GNAQ: variants seen among roughly 807,000 people sequenced by gnomAD.
GNAQ encodes the protein guanine nucleotide-binding protein G(q) subunit alpha.
GNAQ carries 8 observed loss-of-function variants against 43.9 expected under a neutral mutation model. The observed-to-expected ratio is 0.18, with a 90% confidence interval of 0.11 to 0.33. The LOEUF (loss-of-function observed/expected upper bound fraction) is 0.33. GNAQ is among the 10% of genes least tolerant of loss of function. GNAQ has a pLI of 1.00. For synonymous variants in GNAQ, 155 were observed against 170.7 expected, an observed-to-expected ratio of 0.91 and a Z score of 0.71; for missense variants, 158 against 450.8, an observed-to-expected ratio of 0.35 and a Z score of 5.88.
chr9:77,893,223 T>G (rs1394152206), intron 2 of GNAQ, among the ~76,000 whole-genome samples: 1 of 152,156 alleles, frequency 6.6e-6, no homozygotes, highest in African/African-American at 2.4e-5. Flanking sequence ...ATAAAGACCT[T>G]GCTGATAAAG....
intron 5 of GNAQ, among the ~76,000 whole-genome samples, chr9:77,772,959 A>C (rs537798207): frequency 3.3e-5 from 5 of 152,254 alleles, no homozygotes; most frequent in Non-Finnish European, 5.9e-5. Context: ...CTCATGTTTT[A>C]AGAAAGTTTA....
chr9:77,983,704 G>C (rs562965453), intron 1 of GNAQ, among the ~76,000 whole-genome samples: 2 of 152,220 alleles, frequency 1.3e-5, no homozygotes, highest in Admixed American at 6.5e-5. Flanking sequence ...ACACAGAAAA[G>C]TATCTATGCA....
chr9:77,792,207 A>G (rs1016711221), intron 5 of GNAQ, among the ~76,000 whole-genome samples: 3 of 152,202 alleles, frequency 2.0e-5, no homozygotes, highest in Non-Finnish European at 4.4e-5. Flanking sequence ...GGAACACCGT[A>G]CAAGTTGACT....
At chr9:77,761,774 G>A (rs1410886108) in intron 5 of GNAQ, among the ~76,000 whole-genome samples, 1 of 76,160 alleles carries the variant, frequency 1.3e-5, no homozygotes, top group Non-Finnish European at 2.8e-5. Context: ...GGTGAGGGGC[G>A]CCTCTGCCCA....
chr9:77,824,562 TTTA>T (rs1423734828), intron 2 of GNAQ, among the ~76,000 whole-genome samples: 4 of 152,198 alleles, frequency 2.6e-5, no homozygotes, highest in Non-Finnish European at 2.9e-5. Flanking sequence ...GGTCCACTAG[TTTA>T]TTAATTTAAT....
intron 3 of GNAQ, among the ~76,000 whole-genome samples, chr9:77,806,095 A>T (rs1246609815): frequency 6.6e-6 from 1 of 152,206 alleles, no homozygotes; most frequent in Non-Finnish European, 1.5e-5. Flanking sequence ...CCAAAAAATA[A>T]ATCAACTTTG....
In GNAQ at chr9:77,948,010, T is replaced by C. The variant is rs531626801; in HGVS notation, c.137-25665A>G. On this transcript the variant is annotated intron_variant, in intron 1 of 6. Transcript: ENST00000286548. ...GGGTGGTTCTTGAGGATTAAATGAATGAACATGTGTGAAGGTAGCTAGAAG... is the reference window on the plus strand; with the variant it reads ...GGGTGGTTCTTGAGGATTAAATGAACGAACATGTGTGAAGGTAGCTAGAAG... Among the ~76,000 whole-genome samples the C allele has an allele frequency of 3.3e-5, 5 of 152,316 alleles. No individual in the cohort carries two copies. In the South Asian group the frequency reaches 1.0e-3, roughly 32 times the overall value.
intron 1 of GNAQ, among the ~76,000 whole-genome samples, chr9:77,991,080 G>A (rs972346084): frequency 6.6e-6 from 1 of 152,224 alleles, no homozygotes; most frequent in African/African-American, 2.4e-5. Context: ...GACAGAAGGT[G>A]CACAAAGTGA....
At chr9:77,860,787 G>A (rs551419595) in intron 2 of GNAQ, among the ~76,000 whole-genome samples, 145 of 152,208 alleles carry the variant, frequency 9.5e-4, no homozygotes, top group African/African-American at 2.2e-3. Context: ...TGGCTCTTCC[G>A]TGGAGGTTGC....
chr9:78,022,771 C>T (rs1823926535), intron 1 of GNAQ, among the ~76,000 whole-genome samples: 1 of 152,164 alleles, frequency 6.6e-6, no homozygotes, highest in East Asian at 1.9e-4. Flanking sequence ...GCAGAAAGAA[C>T]GCATACTATA....
At chr9:77,860,585 T>C (rs913815204) in intron 2 of GNAQ, among the ~76,000 whole-genome samples, 3 of 152,216 alleles carry the variant, frequency 2.0e-5, no homozygotes, top group Non-Finnish European at 2.9e-5. Flanking sequence ...CAGTTCACAA[T>C]AGGGTTTGCA....
At position 77,716,432 on chromosome 9, in the gene GNAQ, G is replaced by GC. The variant is rs1275878256; in HGVS notation, c.*4890dup. The GC allele has an allele frequency of 1.7e-5, 4 of 232,506 alleles. No homozygotes were observed. In the East Asian group the frequency reaches 1.8e-4, roughly 11 times the overall value. The allele number at this position is 232,506 out of a possible 1,614,324, so 14.4% of individuals were successfully genotyped here. On this transcript the variant is annotated 3_prime_UTR_variant, in exon 7 of 7. Coordinates refer to ENST00000286548, the MANE Select transcript of GNAQ (RefSeq NM_002072.5). ...AACAGTAAATATTCTTTTAAATACT[G>GC]CAAGTTAAAAATGTTTTCTGACAAA...
At chr9:77,983,715 C>T (rs1049047096) in intron 1 of GNAQ, among the ~76,000 whole-genome samples, 15 of 152,090 alleles carry the variant, frequency 9.9e-5, no homozygotes, top group African/African-American at 3.6e-4. Flanking sequence ...TATCTATGCA[C>T]TTAAAATCAG....
chr9:77,870,111 G>A (rs563203068), intron 2 of GNAQ, among the ~76,000 whole-genome samples: 3 of 152,214 alleles, frequency 2.0e-5, no homozygotes, highest in Non-Finnish European at 2.9e-5. Flanking sequence ...GGTAATAAGC[G>A]AGTATGCTGA....
chr9:77,970,274 T>C (rs1823221810), intron 1 of GNAQ, among the ~76,000 whole-genome samples: 2 of 151,692 alleles, frequency 1.3e-5, no homozygotes, highest in Admixed American at 6.6e-5. Context: ...AGTCACAAAC[T>C]CCTCCTCTCT....
At chr9:77,968,494 A>T (rs935257688) in intron 1 of GNAQ, among the ~76,000 whole-genome samples, 2 of 152,224 alleles carry the variant, frequency 1.3e-5, no homozygotes, top group Non-Finnish European at 2.9e-5. Context: ...TTCCTCTTGA[A>T]CTACAAAGTT....
chr9:77,907,374 A>G (rs1029530064), intron 2 of GNAQ, among the ~76,000 whole-genome samples: 1 of 152,182 alleles, frequency 6.6e-6, no homozygotes, highest in Non-Finnish European at 1.5e-5. Flanking sequence ...GCAGGAAAGG[A>G]GGCAAAGAAA....
intron 2 of GNAQ, among the ~76,000 whole-genome samples, chr9:77,906,190 T>C (rs1305072314): frequency 1.3e-5 from 2 of 152,186 alleles, no homozygotes; most frequent in African/African-American, 4.8e-5. Context: ...ACAGCCCCAG[T>C]TTAATGATTT....
chr9:77,983,511 G>A (rs1416638418), intron 1 of GNAQ, among the ~76,000 whole-genome samples: 1 of 152,158 alleles, frequency 6.6e-6, no homozygotes, highest in Non-Finnish European at 1.5e-5. Context: ...GAGCCTCTTC[G>A]AAGAGCCATT....
Sources: allele counts gnomAD v4.1 joint callset (sites outside exome capture counted in the v4.1 genomes callset), GRCh38; gene constraint gnomAD v4.1.1; transcripts MANE v1.5; gene names NCBI Gene and HGNC (gene_info 2026-07-23, HGNC 2026-07-21).